Variants in ARHGDIB observed in about 807,000 individuals in gnomAD.
ARHGDIB encodes the protein rho GDP-dissociation inhibitor 2.
A neutral mutation model predicts 22.6 loss-of-function variants in ARHGDIB; 20 were observed. That is an observed-to-expected ratio of 0.88 (90% CI 0.62 to 1.28). The LOEUF is 1.28. Ranked by LOEUF, ARHGDIB falls within the 50% of genes most tolerant of loss-of-function variation. ARHGDIB has a pLI of 0.00. For missense variants in ARHGDIB, 254 were observed against 245.4 expected, an observed-to-expected ratio of 1.04 and a Z score of -0.23; for synonymous variants, 114 against 96.1, an observed-to-expected ratio of 1.19 and a Z score of -1.09.
At chr12:14,953,884 T>C (rs935631324) in intron 1 of ARHGDIB, among the ~76,000 whole-genome samples, 2 of 151,572 alleles carry the variant, frequency 1.3e-5, no homozygotes, top group Admixed American at 6.6e-5. Flanking sequence ...TCTTTCTTTG[T>C]CTCTCTCTCT....
intron 3 of ARHGDIB, 122 bp from the exon 4 acceptor site, chr12:14,948,071 A>T (rs1864066655): frequency 2.9e-5 from 19 of 647,242 alleles, no homozygotes; most frequent in Non-Finnish European, 4.0e-5. Flanking sequence ...CAGGGCCCTC[A>T]ATTCACAGAG....
intron 1 of ARHGDIB, among the ~76,000 whole-genome samples, chr12:14,959,197 T>C (rs1864361106): frequency 6.6e-6 from 1 of 152,166 alleles, no homozygotes; most frequent in Admixed American, 6.5e-5. Context: ...GGCAGGCGGA[T>C]TGCTTGAGCC....
chr12:14,945,383 A>C (rs892324929), intron 4 of ARHGDIB, among the ~76,000 whole-genome samples: 2 of 152,254 alleles, frequency 1.3e-5, no homozygotes, highest in South Asian at 4.1e-4. Context: ...GGTGAAATTC[A>C]CTTGTATCTG....
Position 14,950,604 on chromosome 12 carries a change from CCT to C in ARHGDIB, c.107_108del (p.Gln36ArgfsTer6), listed in dbSNP as rs1296994067. ...AGACTCTCATCATCTTTGTCCATTT[CCT>C]GCAGCTCTTTCAGGGACTTCTGTGG... ...PPPQKSLKEL[Q>X]EMDKDDESLI... On this transcript the variant is annotated frameshift_variant, in exon 2 of 6. Coordinates refer to ENST00000228945, the MANE Select transcript of ARHGDIB (RefSeq NM_001175.7). LOFTEE classifies it high-confidence loss of function. 6.2e-7 allele frequency: 1 copy of C among 1,613,942 alleles called. No homozygotes were observed. The highest frequency in any genetic ancestry group is 8.5e-7 in the Non-Finnish European group (1 of 1,179,954).
intron 5 of ARHGDIB, among the ~76,000 whole-genome samples, chr12:14,943,701 G>A (rs1194491422): frequency 6.6e-6 from 1 of 151,992 alleles, no homozygotes; most frequent in Non-Finnish European, 1.5e-5. Context: ...AGGACAAATG[G>A]TGAAAATAGC....
intron 1 of ARHGDIB, among the ~76,000 whole-genome samples, chr12:14,955,060 C>G (rs1227371723): frequency 6.6e-6 from 1 of 151,850 alleles, no homozygotes. Flanking sequence ...TATTTTTCTC[C>G]CAGACATAAA....
intron 5 of ARHGDIB, 25 bp from the exon 6 acceptor site, chr12:14,942,746 G>A (rs1184365815): frequency 5.6e-6 from 9 of 1,606,818 alleles, no homozygotes; most frequent in Middle Eastern, 1.6e-4. Flanking sequence ...GAGTTCATTA[G>A]GGTAAGAGCC....
chr12:14,961,220 GA>G (rs1002628458), intron 1 of ARHGDIB: 25 of 152,150 alleles, frequency 1.6e-4, no homozygotes, highest in Admixed American at 4.6e-4. Flanking sequence ...TACTTTGCAG[GA>G]AACCCCTCCA....
chr12:14,945,644 T>C (rs1046952268), intron 4 of ARHGDIB, among the ~76,000 whole-genome samples: 1 of 152,246 alleles, frequency 6.6e-6, no homozygotes, highest in Admixed American at 6.5e-5. Context: ...TGTTCACCAA[T>C]GTGAAGAATT....
In ARHGDIB at chr12:14,942,427, G is replaced by C; in HGVS notation, c.*95C>G. On this transcript the variant is annotated 3_prime_UTR_variant, in exon 6 of 6. Transcript: ENST00000228945. ...TAAGGAAATGTGGCAGTGTTGAAGAGGGACCCAGCTGTGGACAGGGAGGAG... is the reference window on the plus strand; with the variant it reads ...TAAGGAAATGTGGCAGTGTTGAAGACGGACCCAGCTGTGGACAGGGAGGAG... The C allele has an allele frequency of 3.7e-6, 5 of 1,349,946 alleles. No homozygotes were observed. Among genetic ancestry groups the C allele is most frequent in the Non-Finnish European group, 5.3e-6 (5 of 950,732 alleles). 83.6% of individuals were successfully genotyped at this position (1,349,946 alleles called of 1,614,324 possible). A position where few individuals can be genotyped will look rare whatever the true frequency, so the allele number is the denominator to read the frequency against.
At chr12:14,956,437 A>AT (rs1864303063) in intron 1 of ARHGDIB, 1 of 152,210 alleles carries the variant, frequency 6.6e-6, no homozygotes, top group Admixed American at 6.5e-5. Context: ...GAGAAAAGAA[A>AT]AGAGGAAGTA....
intron 1 of ARHGDIB, among the ~76,000 whole-genome samples, chr12:14,957,731 G>A (rs757966517): frequency 1.3e-5 from 2 of 152,010 alleles, no homozygotes; most frequent in Non-Finnish European, 2.9e-5. Flanking sequence ...CTTAACTCAC[G>A]GCCCAAAGCT....
intron 5 of ARHGDIB, among the ~76,000 whole-genome samples, chr12:14,943,594 G>A (rs1863935410): frequency 6.6e-6 from 1 of 152,014 alleles, no homozygotes; most frequent in South Asian, 2.1e-4. Context: ...TATCAGTTGG[G>A]GGAGATAAAG....
intron 1 of ARHGDIB, among the ~76,000 whole-genome samples, chr12:14,960,245 A>G (rs115233276): frequency 0.01 from 1,556 of 152,308 alleles, 28 homozygotes; most frequent in East Asian, 0.026. Context: ...CCATAGGTCT[A>G]GAGTTTAATT....
At chr12:14,958,267 C>A (rs1366107667) in intron 1 of ARHGDIB, among the ~76,000 whole-genome samples, 1 of 152,264 alleles carries the variant, frequency 6.6e-6, no homozygotes, top group African/African-American at 2.4e-5. Context: ...AATCCATACT[C>A]CCCACTTTGC....
chr12:14,947,832 A>G, intron 4 of ARHGDIB, 41 bp downstream of exon 4: 1 of 1,478,528 alleles, frequency 6.8e-7, no homozygotes, highest in Non-Finnish European at 9.4e-7. Context: ...ATTAAAGAAA[A>G]GATTTAAACT....
At chr12:14,946,200 T>C (rs1864010868) in intron 4 of ARHGDIB, among the ~76,000 whole-genome samples, 1 of 152,116 alleles carries the variant, frequency 6.6e-6, no homozygotes, top group Non-Finnish European at 1.5e-5. Flanking sequence ...GAAGAAGCCT[T>C]GGTGTTATGA....
chr12:14,947,354 A>C (rs1864042216), intron 4 of ARHGDIB, among the ~76,000 whole-genome samples: 1 of 152,184 alleles, frequency 6.6e-6, no homozygotes, highest in African/African-American at 2.4e-5. Context: ...TTCTTTAGCA[A>C]AGATCACACT....
rs1555102070 is a variant in ARHGDIB, at chr12:14,943,386, T to TG, written c.407-666_407-665insC. ...AATGGGGATTAAGCCTGTTTTTTTT[T>TG]TTTTTGTTGTTGTTGTTGTTTTTTT... is the stretch of plus-strand genomic sequence containing the variant. On this transcript the variant is annotated intron_variant, in intron 5 of 5. Coordinates refer to ENST00000228945, the MANE Select transcript of ARHGDIB (RefSeq NM_001175.7). 1.0e-3 allele frequency among the ~76,000 whole-genome samples: 104 copies of TG among 99,400 alleles called. 1 individual carries two copies. Among genetic ancestry groups the TG allele is most frequent in the African/African-American group, 2.6e-3 (65 of 25,044 alleles). 65.2% of individuals were successfully genotyped at this position (99,400 alleles called of 152,430 possible).
Sources: gnomAD v4.1 joint callset for allele counts (sites outside exome capture counted in the v4.1 genomes callset) on GRCh38, gnomAD v4.1.1 for gene constraint, MANE v1.5 for transcripts, NCBI Gene and HGNC (gene_info 2026-07-23, HGNC 2026-07-21) for gene names.